RALYL: variants seen among roughly 807,000 people sequenced by gnomAD.
The protein encoded by RALYL is RNA-binding Raly-like protein.
Under a neutral mutation model 35.1 loss-of-function variants are expected in RALYL, and 29 were observed. That is an observed-to-expected ratio of 0.83 (90% CI 0.61 to 1.13). The LOEUF (loss-of-function observed/expected upper bound fraction) is 1.13, where lower values mean the gene tolerates loss of function less well. Ranked by LOEUF, RALYL falls within the 50% of genes most tolerant of loss-of-function variation. The pLI is 0.00. For missense variants in RALYL, 359 were observed against 360.4 expected (o/e 1.00, Z 0.03); for synonymous variants, 120 against 127.6 (o/e 0.94, Z 0.40).
intron 1 of RALYL, among the ~76,000 whole-genome samples, chr8:84,231,121 TAGTC>T (rs1825240537): frequency 6.6e-6 from 1 of 152,192 alleles, no homozygotes; most frequent in African/African-American, 2.4e-5. Context: ...CATAAGAACA[TAGTC>T]AGCTCATCAA....
intron 2 of RALYL, among the ~76,000 whole-genome samples, chr8:84,743,836 C>T (rs1170388128): frequency 6.6e-6 from 1 of 151,958 alleles, no homozygotes; most frequent in Non-Finnish European, 1.5e-5. Flanking sequence ...ATAAACCAGT[C>T]AAAGAAGGAT....
intron 2 of RALYL, among the ~76,000 whole-genome samples, chr8:84,730,548 G>A (rs1349045006): frequency 6.6e-6 from 1 of 152,094 alleles, no homozygotes; most frequent in Non-Finnish European, 1.5e-5. Flanking sequence ...AATTAGGCAG[G>A]AGAAGGAAAT....
chr8:84,234,108 A>G (rs1229995690), intron 1 of RALYL, among the ~76,000 whole-genome samples: 2 of 152,166 alleles, frequency 1.3e-5, no homozygotes, highest in African/African-American at 4.8e-5. Context: ...CATAAATATC[A>G]TAAGGAAAAG....
intron 1 of RALYL, among the ~76,000 whole-genome samples, chr8:84,337,649 G>T (rs1848053434): frequency 6.6e-6 from 1 of 152,074 alleles, no homozygotes. Context: ...TTTCTGAGCA[G>T]CTGGTAATTG....
chr8:84,298,769 C>T (rs1586799), intron 1 of RALYL, among the ~76,000 whole-genome samples: 58,364 of 151,740 alleles, frequency 0.38, 11,843 homozygotes, highest in East Asian at 0.51. Flanking sequence ...AGAGATCTTT[C>T]GCCTCCCTGG....
At chr8:84,560,490 GT>G (rs2061410712) in intron 2 of RALYL, among the ~76,000 whole-genome samples, 1 of 151,900 alleles carries the variant, frequency 6.6e-6, no homozygotes, top group South Asian at 2.1e-4. Flanking sequence ...ATATAATTAT[GT>G]TTTTATTCCA....
chr8:84,808,666 A>T (rs1171123712), intron 4 of RALYL, among the ~76,000 whole-genome samples: 1 of 152,136 alleles, frequency 6.6e-6, no homozygotes, highest in East Asian at 1.9e-4. Flanking sequence ...TGTTTGTGTC[A>T]TCTGTGATTT....
chr8:84,670,950 C>T (rs987965989), intron 2 of RALYL, among the ~76,000 whole-genome samples: 2 of 152,152 alleles, frequency 1.3e-5, no homozygotes, highest in Non-Finnish European at 2.9e-5. Flanking sequence ...TCCCACAGTT[C>T]AAAGTCTCAT....
intron 7 of RALYL, among the ~76,000 whole-genome samples, chr8:84,879,768 T>C (rs879384209): frequency 1.1e-4 from 16 of 151,166 alleles, no homozygotes; most frequent in South Asian, 4.2e-4. Flanking sequence ...TATAAGGGGG[T>C]GAAAAGACAT....
At chr8:84,679,213 T>C (rs1419654846) in intron 2 of RALYL, 1 of 198,264 alleles carries the variant, frequency 5.0e-6, no homozygotes, top group African/African-American at 2.4e-5. Flanking sequence ...AAATTTGATG[T>C]GGAAGAATGT....
intron 1 of RALYL, among the ~76,000 whole-genome samples, chr8:84,332,823 A>G (rs1019381120): frequency 6.6e-6 from 1 of 152,078 alleles, no homozygotes; most frequent in African/African-American, 2.4e-5. Flanking sequence ...GGATTCAGAG[A>G]AAAAGAGCTG....
At chr8:84,593,712 T>C (rs906632514) in intron 2 of RALYL, among the ~76,000 whole-genome samples, 9 of 152,102 alleles carry the variant, frequency 5.9e-5, no homozygotes, top group Non-Finnish European at 1.2e-4. Flanking sequence ...AGTTGATTCA[T>C]TTAAAGCAGA....
intron 8 of RALYL, among the ~76,000 whole-genome samples, chr8:84,918,987 C>CA (rs1218936264): frequency 2.6e-5 from 4 of 151,824 alleles, no homozygotes; most frequent in Non-Finnish European, 4.4e-5. Context: ...GAATTATGCA[C>CA]AAAAAATCTA....
intron 1 of RALYL, among the ~76,000 whole-genome samples, chr8:84,238,563 G>A (rs1827128763): frequency 6.6e-6 from 1 of 152,140 alleles, no homozygotes; most frequent in Non-Finnish European, 1.5e-5. Context: ...TTAGTAGAGA[G>A]AAACTTGTTA....
At chr8:84,539,264 A>G (rs768530025) in intron 2 of RALYL, among the ~76,000 whole-genome samples, 7 of 152,132 alleles carry the variant, frequency 4.6e-5, no homozygotes, top group Non-Finnish European at 1.0e-4. Flanking sequence ...GATTAAATGC[A>G]TCAATATGTG....
chr8:84,739,178 T>C (rs923834523), intron 2 of RALYL, among the ~76,000 whole-genome samples: 2 of 152,002 alleles, frequency 1.3e-5, no homozygotes, highest in Non-Finnish European at 2.9e-5. Context: ...TAGATTATTG[T>C]ATTTGGCTGA....
At chr8:84,607,779 C>A (rs143801738) in intron 2 of RALYL, among the ~76,000 whole-genome samples, 2 of 152,064 alleles carry the variant, frequency 1.3e-5, no homozygotes, top group Non-Finnish European at 2.9e-5. Context: ...CCCTTCTTGT[C>A]AACCTGTGTT....
chr8:84,612,032 C>T (rs963464582), intron 2 of RALYL, among the ~76,000 whole-genome samples: 4 of 151,874 alleles, frequency 2.6e-5, no homozygotes, highest in African/African-American at 9.7e-5. Context: ...ATTTGTCTTA[C>T]TAGTCACAGC....
At chr8:84,645,354 T>C (rs1307203084) in intron 2 of RALYL, among the ~76,000 whole-genome samples, 2 of 151,878 alleles carry the variant, frequency 1.3e-5, no homozygotes, top group African/African-American at 4.8e-5. Context: ...GCTCTAGTGG[T>C]TATTTTTGGT....
Sources: gnomAD v4.1 joint callset for allele counts (sites outside exome capture counted in the v4.1 genomes callset) on GRCh38, gnomAD v4.1.1 for gene constraint, MANE v1.5 for transcripts, NCBI Gene and HGNC (gene_info 2026-07-23, HGNC 2026-07-21) for gene names.